ELOVL4: variants seen among roughly 807,000 people sequenced by gnomAD.
ELOVL4 encodes ELOVL fatty acid elongase 4, also known as very long chain fatty acid elongase 4.
ELOVL4 carries 18 observed loss-of-function variants against 42.1 expected under a neutral mutation model. The observed-to-expected ratio is 0.43, with a 90% confidence interval of 0.30 to 0.63. The LOEUF (loss-of-function observed/expected upper bound fraction) is 0.63, where lower values mean the gene tolerates loss of function less well. Among genes scored for constraint, ELOVL4 ranks in the 30% least tolerant of loss-of-function variants. The probability of loss-of-function intolerance (pLI) is 0.15; values close to 1 mark genes in which losing one functional copy is unlikely to be tolerated. For synonymous variants in ELOVL4, 117 were observed against 127.0 expected, an observed-to-expected ratio of 0.92 and a Z score of 0.53; for missense variants, 299 against 376.2, an observed-to-expected ratio of 0.79 and a Z score of 1.70.
intron 1 of ELOVL4, among the ~76,000 whole-genome samples, chr6:79,940,652 A>G (rs1044167115): frequency 6.6e-6 from 1 of 152,236 alleles, no homozygotes. Context: ...AGGATTCAAT[A>G]AACTAAGCCT....
At chr6:79,919,340 T>C in intron 5 of ELOVL4, 80 bp downstream of exon 5, 4 of 1,501,120 alleles carry the variant, frequency 2.7e-6, no homozygotes, top group Non-Finnish European at 3.7e-6. Flanking sequence ...TTGTCTAAAA[T>C]GACATTGCAC....
Position 79,920,161 on chromosome 6 carries a change from C to T in ELOVL4, c.542-614G>A, listed in dbSNP as rs547936112. On this transcript the variant is annotated intron_variant, in intron 4 of 5. Transcript: ENST00000369816. The stretch of plus-strand genomic sequence containing the variant: ...TTTTCTTTTAAAATTACAGAAGTTG[C>T]CTTTAACTGTATTGTTTTAAACTGG... 2.6e-5 allele frequency among the ~76,000 whole-genome samples: 4 copies of T among 152,186 alleles called. No individual in the cohort carries two copies. In the East Asian group the frequency reaches 7.7e-4, roughly 29 times the overall value.
intron 1 of ELOVL4, among the ~76,000 whole-genome samples, chr6:79,939,445 C>G (rs1774602757): frequency 6.6e-6 from 1 of 152,020 alleles, no homozygotes; most frequent in Non-Finnish European, 1.5e-5. Flanking sequence ...CATCAGTTCT[C>G]CTTCTCCCCA....
At chr6:79,919,911 C>G (rs190594668) in intron 4 of ELOVL4, among the ~76,000 whole-genome samples, 2 of 152,178 alleles carry the variant, frequency 1.3e-5, no homozygotes, top group East Asian at 3.9e-4. Flanking sequence ...ATATATATAT[C>G]TGCAACAAAA....
At chr6:79,943,978 C>G (rs756331232) in intron 1 of ELOVL4, among the ~76,000 whole-genome samples, 1 of 152,164 alleles carries the variant, frequency 6.6e-6, no homozygotes, top group Non-Finnish European at 1.5e-5. Flanking sequence ...CACCCCCAAC[C>G]AACAGACAGC....
At chr6:79,919,971 C>T (rs933263239) in intron 4 of ELOVL4, among the ~76,000 whole-genome samples, 3 of 152,152 alleles carry the variant, frequency 2.0e-5, no homozygotes, top group African/African-American at 7.2e-5. Context: ...GACAGCACTA[C>T]ACACATTGAA....
chr6:79,920,108 G>C (rs2127698173), intron 4 of ELOVL4, among the ~76,000 whole-genome samples: 1 of 152,224 alleles, frequency 6.6e-6, no homozygotes, highest in Middle Eastern at 3.4e-3. Context: ...TTGTCATAAA[G>C]TGATCTAAGT....
intron 3 of ELOVL4, among the ~76,000 whole-genome samples, chr6:79,922,638 T>C (rs1561984267): frequency 6.6e-6 from 1 of 152,232 alleles, no homozygotes; most frequent in African/African-American, 2.4e-5. Flanking sequence ...ATTAAGGCAG[T>C]ACATAACTAA....
intron 1 of ELOVL4, among the ~76,000 whole-genome samples, chr6:79,933,220 T>TTTTG (rs34315202): frequency 0.065 from 9,820 of 151,632 alleles, 1,016 homozygotes; most frequent in African/African-American, 0.22. Context: ...ATTTGATTGT[T>TTTTG]TTTGTTTGTT....
Position 79,919,493 on chromosome 6 carries a change from T to C in ELOVL4, c.596A>G (p.Tyr199Cys). The C allele has an allele frequency of 6.2e-7, 1 of 1,613,612 alleles. No individual in the cohort carries two copies. The highest frequency in any genetic ancestry group is 8.5e-7 in the Non-Finnish European group (1 of 1,179,710). The change falls in exon 5 of 6, where the codon TAT (tyrosine) becomes TGT (cysteine). Residue 199 changes from tyrosine to cysteine, a missense_variant. Transcript: ENST00000369816. ...SFIHVIMYSY[Y>C]GLTAFGPWIQ... Reference sequence around the variant, plus strand: ...CCATGGGCCAAATGCAGTTAACCCATAGTATGAGTACATAATCACATGGAT... The same window carrying C: ...CCATGGGCCAAATGCAGTTAACCCACAGTATGAGTACATAATCACATGGAT...
At chr6:79,917,096 G>T (rs529226540) in intron 5 of ELOVL4, among the ~76,000 whole-genome samples, 2 of 151,598 alleles carry the variant, frequency 1.3e-5, no homozygotes, top group East Asian at 3.9e-4. Context: ...ATTTCAATTG[G>T]CCCTCCCAAT....
chr6:79,929,061 G>C (rs550673810), intron 1 of ELOVL4, among the ~76,000 whole-genome samples: 2 of 151,092 alleles, frequency 1.3e-5, no homozygotes, highest in East Asian at 4.0e-4. Context: ...AGGACCTTAG[G>C]AGCACAATCT....
chr6:79,942,757 A>C (rs1236044817), intron 1 of ELOVL4, among the ~76,000 whole-genome samples: 2 of 152,226 alleles, frequency 1.3e-5, no homozygotes, highest in African/African-American at 4.8e-5. Flanking sequence ...TTCCATCTGC[A>C]ATAGGATGTT....
chr6:79,931,090 G>C (rs1287715296), intron 1 of ELOVL4, among the ~76,000 whole-genome samples: 1 of 152,102 alleles, frequency 6.6e-6, no homozygotes, highest in Admixed American at 6.6e-5. Context: ...AGTTTTGGTG[G>C]GGTGGAGGGG....
rs1173155579 is a variant in ELOVL4 at position 79,915,100 on chromosome 6, CATACATCCT to C, written c.*1499_*1507del. The C allele has an allele frequency of 6.6e-6, 1 of 152,562 alleles. No homozygotes were observed. Among genetic ancestry groups the C allele is most frequent in the Non-Finnish European group, 1.5e-5 (1 of 68,000 alleles). 9.5% of individuals were successfully genotyped at this position (152,562 alleles called of 1,614,324 possible). On this transcript the variant is annotated 3_prime_UTR_variant, in exon 6 of 6. Coordinates refer to ENST00000369816, the MANE Select transcript of ELOVL4 (RefSeq NM_022726.4). ...ATTCTGAAATAGTTTGTACAAACAGCATACATCCTACACATGCAGCTTTGACATGTTGTT... is the reference window on the plus strand; with the variant it reads ...ATTCTGAAATAGTTTGTACAAACAGCACACATGCAGCTTTGACATGTTGTT...
intron 1 of ELOVL4, among the ~76,000 whole-genome samples, chr6:79,935,493 T>C (rs1774527100): frequency 1.3e-5 from 2 of 152,192 alleles, no homozygotes; most frequent in Middle Eastern, 3.2e-3. Context: ...TAGAGGCAGC[T>C]TGATACAGGG....
intron 3 of ELOVL4, among the ~76,000 whole-genome samples, chr6:79,923,913 A>G (rs549058274): frequency 3.0e-4 from 46 of 152,266 alleles, no homozygotes; most frequent in Non-Finnish European, 5.0e-4. Flanking sequence ...ATGAATACTG[A>G]TATTTATATA....
At chr6:79,938,576 C>G (rs756248603) in intron 1 of ELOVL4, among the ~76,000 whole-genome samples, 2 of 152,162 alleles carry the variant, frequency 1.3e-5, no homozygotes, top group Non-Finnish European at 2.9e-5. Context: ...AATCCTACAC[C>G]GTCATATGGA....
At chr6:79,920,853 G>A (rs1389111067) in intron 4 of ELOVL4, among the ~76,000 whole-genome samples, 2 of 152,170 alleles carry the variant, frequency 1.3e-5, no homozygotes, top group African/African-American at 4.8e-5. Flanking sequence ...GGTCAGGTGT[G>A]TAATTTTCCA....
Sources: allele counts gnomAD v4.1 joint callset (sites outside exome capture counted in the v4.1 genomes callset), GRCh38; gene constraint gnomAD v4.1.1; transcripts MANE v1.5; gene names NCBI Gene and HGNC (gene_info 2026-07-23, HGNC 2026-07-21).